CCDC192: variants seen among roughly 807,000 people sequenced by gnomAD.
CCDC192 encodes the protein coiled-coil domain-containing protein 192.
intron 6 of CCDC192, among the ~76,000 whole-genome samples, chr5:127,907,225 G>T (rs1203726081): frequency 1.3e-5 from 2 of 152,110 alleles, no homozygotes; most frequent in African/African-American, 2.4e-5. Context: ...CATAATTTTA[G>T]TGTCTACAGA....
chr5:127,707,689 A>G lies in CCDC192; in HGVS notation c.63-20A>G. On this transcript the variant is annotated intron_variant, in intron 1 of 6. Transcript: ENST00000514853. ...GCCTGAAATAAAATTTTGGAATTCT[A>G]AATGTTTACTTTTTTTCAGCATGAC... The G allele has an allele frequency of 2.5e-6, 1 of 398,410 alleles. No homozygotes were observed. The highest frequency in any genetic ancestry group is 4.4e-6 in the Non-Finnish European group (1 of 225,738). The allele number at this position is 398,410 out of a possible 1,614,324, so 24.7% of individuals were successfully genotyped here.
At chr5:127,705,455 T>C (rs768184055) in intron 1 of CCDC192, among the ~76,000 whole-genome samples, 20 of 152,326 alleles carry the variant, frequency 1.3e-4, no homozygotes, top group South Asian at 4.1e-4. Context: ...TGACTGAATA[T>C]GACTTTTTTG....
chr5:127,904,740 G>A (rs1347436528), intron 6 of CCDC192, among the ~76,000 whole-genome samples: 1 of 152,064 alleles, frequency 6.6e-6, no homozygotes, highest in Non-Finnish European at 1.5e-5. Flanking sequence ...GACCTCAGGT[G>A]ATCTGCCTGC....
rs541318548 is a variant in CCDC192 at position 127,777,844 on chromosome 5, C to G, written c.223-19259C>G. 2.6e-5 allele frequency among the ~76,000 whole-genome samples: 4 copies of G among 152,050 alleles called. No individual in the cohort carries two copies. In the East Asian group the frequency reaches 7.7e-4, roughly 29 times the overall value. On this transcript the variant is annotated intron_variant, in intron 3 of 6. Transcript: ENST00000514853. The stretch of plus-strand genomic sequence containing the variant: ...TCCTTTGCTCTTTCTTCATCTTCTG[C>G]CATGATTATGAGGCCTCTCCAGCCA...
At chr5:127,774,293 T>C (rs1271036100) in intron 3 of CCDC192, among the ~76,000 whole-genome samples, 1 of 152,200 alleles carries the variant, frequency 6.6e-6, no homozygotes, top group Non-Finnish European at 1.5e-5. Context: ...TTAACATTTT[T>C]TGTGTGTTTT....
At chr5:127,935,312 G>C (rs914698583) in intron 6 of CCDC192, 10 of 152,176 alleles carry the variant, frequency 6.6e-5, no homozygotes, top group African/African-American at 2.4e-4. Context: ...TTGGGATCTG[G>C]CTAGCAACAA....
intron 6 of CCDC192, among the ~76,000 whole-genome samples, chr5:127,917,506 A>G (rs1265064045): frequency 6.6e-6 from 1 of 152,216 alleles, no homozygotes; most frequent in Non-Finnish European, 1.5e-5. Flanking sequence ...AAGTGTAACT[A>G]TTCCTTTCAC....
intron 5 of CCDC192, among the ~76,000 whole-genome samples, chr5:127,826,777 CTAAAA>C (rs1749552829): frequency 6.6e-6 from 1 of 150,828 alleles, no homozygotes. Context: ...CCCCCTCAAG[CTAAAA>C]TAAAAGTTGA....
At chr5:127,849,565 C>T (rs916552791) in intron 5 of CCDC192, among the ~76,000 whole-genome samples, 2 of 152,142 alleles carry the variant, frequency 1.3e-5, no homozygotes, top group Non-Finnish European at 2.9e-5. Flanking sequence ...CCTACAAGTA[C>T]CTAAATACCA....
At chr5:127,719,671 A>G (rs900117654) in intron 2 of CCDC192, among the ~76,000 whole-genome samples, 7 of 150,796 alleles carry the variant, frequency 4.6e-5, no homozygotes, top group African/African-American at 1.7e-4. Context: ...CTAAAGAACT[A>G]CCTGAGACTG....
intron 6 of CCDC192, among the ~76,000 whole-genome samples, chr5:127,912,183 G>T (rs1394526870): frequency 6.6e-6 from 1 of 150,880 alleles, no homozygotes; most frequent in African/African-American, 2.4e-5. Context: ...ACCCATCTCA[G>T]CCTCCTAAAG....
chr5:127,835,728 C>T lies in CCDC192; in HGVS notation c.411+37566C>T, dbSNP rs900697327. Among the ~76,000 whole-genome samples, 3 of 152,096 alleles carry T rather than the reference C, an allele frequency of 2.0e-5. No individual in the cohort carries two copies. In the South Asian group the frequency reaches 6.2e-4, roughly 32 times the overall value. On this transcript the variant is annotated intron_variant, in intron 5 of 6. Transcript: ENST00000514853. ...GTGTGAAGTGAAGAGGGAAGAGTCC[C>T]TTATAAAACCATCAGATCTTGTGAG...
chr5:127,743,202 C>A (rs902854041), intron 2 of CCDC192, among the ~76,000 whole-genome samples: 2 of 151,964 alleles, frequency 1.3e-5, no homozygotes, highest in Non-Finnish European at 2.9e-5. Flanking sequence ...ACATAGTTGG[C>A]CGTGGCTGTG....
At chr5:127,720,910 C>T (rs1233986050) in intron 2 of CCDC192, among the ~76,000 whole-genome samples, 1 of 152,234 alleles carries the variant, frequency 6.6e-6, no homozygotes, top group Admixed American at 6.5e-5. Flanking sequence ...GCACCATGTC[C>T]TGAGGCTGTA....
chr5:127,747,258 C>G (rs562706296), intron 2 of CCDC192, among the ~76,000 whole-genome samples: 4 of 151,828 alleles, frequency 2.6e-5, no homozygotes, highest in Admixed American at 2.6e-4. Flanking sequence ...CCTCCCCCCT[C>G]TCCCCACCCC....
At chr5:127,830,246 C>A (rs1333238863) in intron 5 of CCDC192, among the ~76,000 whole-genome samples, 1 of 152,090 alleles carries the variant, frequency 6.6e-6, no homozygotes, top group Non-Finnish European at 1.5e-5. Flanking sequence ...TAGATACATT[C>A]TTGCCCTGAC....
At chr5:127,938,461 A>C (rs1335618288) in intron 6 of CCDC192, among the ~76,000 whole-genome samples, 2 of 152,226 alleles carry the variant, frequency 1.3e-5, no homozygotes, top group African/African-American at 2.4e-5. Context: ...CAGGTAACAC[A>C]TCCACCTGGG....
At chr5:127,933,665 C>T (rs1323634318) in intron 6 of CCDC192, among the ~76,000 whole-genome samples, 1 of 152,136 alleles carries the variant, frequency 6.6e-6, no homozygotes, top group Non-Finnish European at 1.5e-5. Flanking sequence ...TGGTGGAGTA[C>T]TAGGGTCTGA....
chr5:127,876,428 G>A (rs1294004753), intron 6 of CCDC192, among the ~76,000 whole-genome samples: 2 of 152,172 alleles, frequency 1.3e-5, no homozygotes, highest in Admixed American at 1.3e-4. Context: ...GCTTAGAGAT[G>A]TGTGTTACCT....
Sources: allele counts gnomAD v4.1 joint callset (sites outside exome capture counted in the v4.1 genomes callset), GRCh38; gene constraint gnomAD v4.1.1; transcripts MANE v1.5; gene names NCBI Gene and HGNC (gene_info 2026-07-23, HGNC 2026-07-21).